The following MMP26 variants were observed in gnomAD, a reference collection of about 807,000 sequenced individuals.
The protein encoded by MMP26 is matrix metalloproteinase-26.
Under a neutral mutation model 31.0 loss-of-function variants are expected in MMP26, and 33 were observed. The observed-to-expected ratio is 1.06, with a 90% CI of 0.81 to 1.42. The LOEUF (loss-of-function observed/expected upper bound fraction) is 1.42. Ranked by LOEUF, MMP26 falls within the 40% of genes most tolerant of loss-of-function variation. The pLI, the probability that MMP26 is intolerant of heterozygous loss-of-function variation, is 0.00. For synonymous variants in MMP26, 122 were observed against 114.9 expected, an observed-to-expected ratio of 1.06 and a Z score of -0.40; for missense variants, 347 against 316.1, an observed-to-expected ratio of 1.10 and a Z score of -0.74.
intron 2 of MMP26, chr11:4,923,618 T>C (rs1269061183): frequency 2.5e-6 from 4 of 1,613,830 alleles, no homozygotes; most frequent in Non-Finnish European, 3.4e-6. Context: ...GACACAGGTG[T>C]TGAGGGCTCG....
intron 1 of MMP26, among the ~76,000 whole-genome samples, chr11:4,750,356 A>G (rs1432495638): frequency 6.6e-6 from 1 of 152,054 alleles, no homozygotes; most frequent in Non-Finnish European, 1.5e-5. Flanking sequence ...ATGGAAAACT[A>G]CTTGGCTATT....
chr11:4,985,147 T>A (rs1846867455), intron 2 of MMP26, among the ~76,000 whole-genome samples: 1 of 149,144 alleles, frequency 6.7e-6, no homozygotes, highest in Non-Finnish European at 1.5e-5. Context: ...GCAGCATGCC[T>A]CATTTAATAC....
In MMP26 at chr11:4,918,394, G is replaced by A. The variant is rs1851130664; in HGVS notation, c.-144-69674G>A. On this transcript the variant is annotated intron_variant, in intron 2 of 7. Coordinates refer to ENST00000380390, the MANE Select transcript of MMP26 (RefSeq NM_021801.5). The stretch of plus-strand genomic sequence containing the variant: ...TAAACTCAAGACAGACTTTCTTTGG[G>A]ATTGGAACTTGTGCTTCAGATTGTA... Among the ~76,000 whole-genome samples the A allele has an allele frequency of 1.3e-5, 2 of 152,118 alleles. 1 individual carries two copies. Among genetic ancestry groups the A allele is most frequent in the African/African-American group, 4.8e-5 (2 of 41,432 alleles).
At chr11:4,946,660 C>T in intron 2 of MMP26, 1 of 1,591,662 alleles carries the variant, frequency 6.3e-7, no homozygotes, top group South Asian at 1.1e-5. Flanking sequence ...AGAATACTAT[C>T]CCTATTTGGG....
rs758328852 is a variant in MMP26, at chr11:4,848,884, T to A, written c.-145+81543T>A. Reference sequence around the variant, plus strand: ...ACAGAAAAGACATGGATAAAAACCATCTGTAGAAGGCAGGCTGAGGCAGGG... The same window carrying A: ...ACAGAAAAGACATGGATAAAAACCAACTGTAGAAGGCAGGCTGAGGCAGGG... On this transcript the variant is annotated intron_variant, in intron 2 of 7. Transcript: ENST00000380390. 1.9e-6 allele frequency: 3 copies of A among 1,613,936 alleles called. No individual in the cohort carries two copies. The East Asian group carries it at 6.7e-5, about 36-fold the overall frequency.
In MMP26 at chr11:4,914,745, G is replaced by A. The variant is rs145892529; in HGVS notation, c.-144-73323G>A. 6.8e-4 allele frequency: 1,092 copies of A among 1,612,386 alleles called. 1 individual carries two copies. Among genetic ancestry groups the A allele is most frequent in the Admixed American group, 8.5e-4 (51 of 59,974 alleles). On this transcript the variant is annotated intron_variant, in intron 2 of 7. Coordinates refer to ENST00000380390, the MANE Select transcript of MMP26 (RefSeq NM_021801.5). ...TAGTAACAAAAGGCATGCGTCACTC[G>A]ATCCCGGATCTGTTTGGTCTTCACA...
At chr11:4,799,767 G>A (rs1256573505) in intron 2 of MMP26, among the ~76,000 whole-genome samples, 2 of 152,206 alleles carry the variant, frequency 1.3e-5, no homozygotes, top group Non-Finnish European at 2.9e-5. Flanking sequence ...TACAGGCATT[G>A]GTTAAATATT....
At position 4,733,907 on chromosome 11, in the gene MMP26, GCTT is replaced by G. The variant is rs577224148; in HGVS notation, c.-217+28868_-217+28870del. Among the ~76,000 whole-genome samples the G allele has an allele frequency of 1.7e-3, 257 of 152,184 alleles. 2 individuals carry two copies. Among genetic ancestry groups the G allele is most frequent in the African/African-American group, 5.7e-3 (238 of 41,526 alleles). On this transcript the variant is annotated intron_variant, in intron 1 of 7. Transcript: ENST00000380390. ...AAATGATAGTTGAATCTTGTCAAAT[GCTT>G]CTTCTACACCTTTGAGATGATCATG...
intron 2 of MMP26, among the ~76,000 whole-genome samples, chr11:4,881,379 T>A (rs2133537315): frequency 6.6e-6 from 1 of 152,232 alleles, no homozygotes; most frequent in African/African-American, 2.4e-5. Context: ...CACCCCCAAA[T>A]GCCCTCTGCA....
chr11:4,972,660 A>G (rs1460062664), intron 2 of MMP26, among the ~76,000 whole-genome samples: 1 of 151,686 alleles, frequency 6.6e-6, no homozygotes, highest in Non-Finnish European at 1.5e-5. Context: ...AAATTAACAT[A>G]GACAATATTA....
intron 2 of MMP26, chr11:4,907,905 G>A: frequency 1.2e-6 from 2 of 1,613,976 alleles, no homozygotes; most frequent in Non-Finnish European, 1.7e-6. Flanking sequence ...CACTCATACT[G>A]TCTTCATCAG....
intron 2 of MMP26, chr11:4,863,466 A>T (rs1257813770): frequency 1.3e-5 from 2 of 152,092 alleles, no homozygotes; most frequent in African/African-American, 2.4e-5. Flanking sequence ...TTCTACCACC[A>T]CATGACACTC....
intron 1 of MMP26, among the ~76,000 whole-genome samples, chr11:4,742,478 C>T (rs1393860805): frequency 6.6e-6 from 1 of 152,088 alleles, no homozygotes; most frequent in Admixed American, 6.6e-5. Context: ...GTCAACTTGA[C>T]TGGGTCGCCG....
At chr11:4,821,868 C>T (rs1264331409) in intron 2 of MMP26, 4 of 1,613,708 alleles carry the variant, frequency 2.5e-6, no homozygotes, top group Non-Finnish European at 3.4e-6. Flanking sequence ...TTGGGATGAG[C>T]ATGTTGATAA....
intron 1 of MMP26, among the ~76,000 whole-genome samples, chr11:4,754,445 C>T (rs1015019137): frequency 6.6e-6 from 1 of 151,840 alleles, no homozygotes; most frequent in Non-Finnish European, 1.5e-5. Context: ...ATTACTGAAA[C>T]TTATTTTTTT....
chr11:4,932,156 A>G (rs1178347982), intron 2 of MMP26, among the ~76,000 whole-genome samples: 1 of 152,070 alleles, frequency 6.6e-6, no homozygotes, highest in Non-Finnish European at 1.5e-5. Flanking sequence ...GCAGGCACAG[A>G]CACACAGGTG....
chr11:4,760,927 C>T (rs1848562967), intron 1 of MMP26, among the ~76,000 whole-genome samples: 1 of 152,148 alleles, frequency 6.6e-6, no homozygotes, highest in Admixed American at 6.5e-5. Flanking sequence ...GCAGGAAATA[C>T]ATACATATAA....
intron 1 of MMP26, among the ~76,000 whole-genome samples, chr11:4,728,710 TC>T (rs1848135087): frequency 6.6e-6 from 1 of 152,202 alleles, no homozygotes; most frequent in African/African-American, 2.4e-5. Flanking sequence ...CCCCTTTTTT[TC>T]TTAGGAGGTG....
chr11:4,785,681 A>T (rs1848933496), intron 2 of MMP26, among the ~76,000 whole-genome samples: 1 of 152,224 alleles, frequency 6.6e-6, no homozygotes, highest in East Asian at 1.9e-4. Flanking sequence ...TTTCCTTTCA[A>T]ATTCTGCAAA....
Sources: gnomAD v4.1 joint callset for allele counts (sites outside exome capture counted in the v4.1 genomes callset) on GRCh38, gnomAD v4.1.1 for gene constraint, MANE v1.5 for transcripts, NCBI Gene and HGNC (gene_info 2026-07-23, HGNC 2026-07-21) for gene names.